Variants in GABRB1 observed in about 807,000 individuals in gnomAD.
GABRB1 encodes gamma-aminobutyric acid type A receptor subunit beta1.
Under a neutral mutation model 51.6 loss-of-function variants are expected in GABRB1, and 17 were observed. The ratio of observed to expected loss-of-function variants is 0.33; its 90% CI spans 0.23 to 0.49. GABRB1 has a LOEUF of 0.49. Among genes scored for constraint, GABRB1 ranks in the 20% least tolerant of loss-of-function variants. GABRB1 has a pLI of 0.99. For synonymous variants in GABRB1, 247 were observed against 218.9 expected (o/e 1.13, Z -1.14); for missense variants, 410 against 600.6 (o/e 0.68, Z 3.32).
intron 1 of GABRB1, among the ~76,000 whole-genome samples, chr4:47,025,207 G>A (rs1369825136): frequency 2.6e-5 from 4 of 151,344 alleles, no homozygotes; most frequent in Admixed American, 1.3e-4. Context: ...CTATAAACAT[G>A]CGTGTGCAAG....
intron 4 of GABRB1, among the ~76,000 whole-genome samples, chr4:47,289,470 C>T (rs1339604397): frequency 2.0e-5 from 3 of 152,304 alleles, no homozygotes; most frequent in African/African-American, 4.8e-5. Context: ...TGTGAACCTA[C>T]ACCCATTTGT....
intron 3 of GABRB1, among the ~76,000 whole-genome samples, chr4:47,095,750 C>T (rs1000884726): frequency 1.3e-5 from 2 of 152,222 alleles, no homozygotes; most frequent in African/African-American, 2.4e-5. Context: ...ATGGAAGTGA[C>T]TATTATCTTT....
At chr4:47,358,343 CATATT>C (rs1726663332) in intron 5 of GABRB1, among the ~76,000 whole-genome samples, 1 of 148,296 alleles carries the variant, frequency 6.7e-6, no homozygotes, top group Admixed American at 6.7e-5. Context: ...TATATATATG[CATATT>C]ATATATGTGT....
At chr4:47,228,603 A>G (rs1226565082) in intron 4 of GABRB1, among the ~76,000 whole-genome samples, 1 of 152,074 alleles carries the variant, frequency 6.6e-6, no homozygotes, top group Non-Finnish European at 1.5e-5. Flanking sequence ...CATCTTCTGG[A>G]GGATATGTGT....
chr4:47,393,801 C>A (rs1213139974), intron 5 of GABRB1, among the ~76,000 whole-genome samples: 2 of 152,178 alleles, frequency 1.3e-5, no homozygotes, highest in African/African-American at 4.8e-5. Flanking sequence ...GCTTAGACTG[C>A]TATTAGACCA....
chr4:47,410,151 T>G (rs1173561112), intron 8 of GABRB1, among the ~76,000 whole-genome samples: 1 of 152,222 alleles, frequency 6.6e-6, no homozygotes, highest in Non-Finnish European at 1.5e-5. Context: ...CAGAAGACAA[T>G]GCTTAAAGGA....
intron 4 of GABRB1, among the ~76,000 whole-genome samples, chr4:47,286,620 A>G (rs900300805): frequency 6.6e-6 from 1 of 152,182 alleles, no homozygotes; most frequent in African/African-American, 2.4e-5. Flanking sequence ...TATAAAACCT[A>G]TAAGAAATAT....
chr4:47,087,711 C>G (rs551401983), intron 3 of GABRB1, among the ~76,000 whole-genome samples: 1 of 152,066 alleles, frequency 6.6e-6, no homozygotes, highest in Non-Finnish European at 1.5e-5. Context: ...TTTGGAGAAA[C>G]AGCATAGCAT....
intron 5 of GABRB1, among the ~76,000 whole-genome samples, chr4:47,372,636 C>A (rs1279013655): frequency 6.6e-6 from 1 of 152,196 alleles, no homozygotes; most frequent in Non-Finnish European, 1.5e-5. Context: ...TCGGCTCTGT[C>A]ACCCTGCTTT....
chr4:47,038,189 C>T (rs969968499), intron 3 of GABRB1, among the ~76,000 whole-genome samples: 1 of 152,144 alleles, frequency 6.6e-6, no homozygotes, highest in African/African-American at 2.4e-5. Context: ...GAGTCAATCA[C>T]AAGAATTTAT....
intron 5 of GABRB1, among the ~76,000 whole-genome samples, chr4:47,384,940 C>A (rs1727734305): frequency 6.6e-6 from 1 of 152,168 alleles, no homozygotes; most frequent in African/African-American, 2.4e-5. Flanking sequence ...TGAAAACAAT[C>A]TTTAAAAACA....
intron 4 of GABRB1, among the ~76,000 whole-genome samples, chr4:47,265,781 C>T (rs923097164): frequency 1.3e-5 from 2 of 151,742 alleles, no homozygotes; most frequent in South Asian, 4.2e-4. Context: ...TCACTGCCTA[C>T]GGGGGTCATT....
chr4:47,197,598 T>C (rs1719732713), intron 4 of GABRB1, among the ~76,000 whole-genome samples: 1 of 152,214 alleles, frequency 6.6e-6, no homozygotes, highest in African/African-American at 2.4e-5. Flanking sequence ...CATAGTGCTT[T>C]CCAAGTCATA....
intron 4 of GABRB1, among the ~76,000 whole-genome samples, chr4:47,306,801 A>G (rs1724489409): frequency 6.6e-6 from 1 of 152,148 alleles, no homozygotes; most frequent in Non-Finnish European, 1.5e-5. Flanking sequence ...TCATACATGT[A>G]GACCTATTTC....
intron 4 of GABRB1, among the ~76,000 whole-genome samples, chr4:47,276,848 T>C (rs1332660569): frequency 6.6e-6 from 1 of 151,982 alleles, no homozygotes; most frequent in East Asian, 1.9e-4. Context: ...ACCACCCTAG[T>C]CATGACAATC....
rs930518377 is a variant in GABRB1 at position 47,191,492 on chromosome 4, C to T, written c.461+30023C>T. 1.2e-4 allele frequency among the ~76,000 whole-genome samples: 18 copies of T among 152,146 alleles called. No homozygotes were observed. The East Asian group carries it at 3.5e-3, about 29-fold the overall frequency. On this transcript the variant is annotated intron_variant, in intron 4 of 8. Transcript: ENST00000295454. ...GTCACTTCCAGTGACTAGTGAAATA[C>T]ATGGATTATGGTACAGAGATTACAA...
chr4:47,202,872 A>G (rs972399175), intron 4 of GABRB1, among the ~76,000 whole-genome samples: 1 of 152,144 alleles, frequency 6.6e-6, no homozygotes, highest in Non-Finnish European at 1.5e-5. Context: ...TTCAGGTGTC[A>G]CAGTCAGCCC....
intron 8 of GABRB1, among the ~76,000 whole-genome samples, chr4:47,414,919 C>T (rs917268542): frequency 1.3e-5 from 2 of 152,196 alleles, no homozygotes; most frequent in Non-Finnish European, 2.9e-5. Flanking sequence ...AACTGGAAAA[C>T]TCACCCTGCC....
intron 4 of GABRB1, among the ~76,000 whole-genome samples, chr4:47,255,910 G>A (rs996002445): frequency 6.6e-6 from 1 of 152,202 alleles, no homozygotes; most frequent in Non-Finnish European, 1.5e-5. Context: ...TAAGGAAATG[G>A]CCAGAGATGG....
Sources: allele counts gnomAD v4.1 joint callset (sites outside exome capture counted in the v4.1 genomes callset), GRCh38; gene constraint gnomAD v4.1.1; transcripts MANE v1.5; gene names NCBI Gene and HGNC (gene_info 2026-07-23, HGNC 2026-07-21).